GALNT13: variants seen among roughly 807,000 people sequenced by gnomAD.
GALNT13 encodes the protein UDP-GalNAc:polypeptide N-acetylgalactosaminyltransferase 13.
In GALNT13, 28 loss-of-function variants were observed where a neutral mutation model predicts 64.2. The observed-to-expected ratio is 0.44, with a 90% CI of 0.32 to 0.60. The LOEUF (loss-of-function observed/expected upper bound fraction) is 0.60. Ranked by LOEUF, GALNT13 falls within the 20% of genes least tolerant of loss-of-function variation. The pLI is 0.05. For missense variants in GALNT13, 577 were observed against 669.8 expected, an observed-to-expected ratio of 0.86 and a Z score of 1.53; for synonymous variants, 214 against 224.6, an observed-to-expected ratio of 0.95 and a Z score of 0.42.
chr2:153,683,530 T>C, the GALNT13 span, among the ~76,000 whole-genome samples: 2 of 151,902 alleles, frequency 1.3e-5, no homozygotes, highest in East Asian at 3.9e-4. Context: ...TTAATTGTAC[T>C]ACATGATGTC....
At chr2:153,418,495 A>G in the GALNT13 span, among the ~76,000 whole-genome samples, 1 of 152,210 alleles carries the variant, frequency 6.6e-6, no homozygotes, top group Admixed American at 6.5e-5. Context: ...GTCATGTCAC[A>G]GGGGCCAAAT....
At chr2:153,102,019 T>G in the GALNT13 span, among the ~76,000 whole-genome samples, 1 of 152,218 alleles carries the variant, frequency 6.6e-6, no homozygotes, top group African/African-American at 2.4e-5. Flanking sequence ...TATCATTTAT[T>G]TTTATGCATT....
chr2:154,411,317 T>TAC (rs59114913), intron 11 of GALNT13, among the ~76,000 whole-genome samples: 12,642 of 147,356 alleles, frequency 0.086, 749 homozygotes, highest in African/African-American at 0.18. Flanking sequence ...TAATTGCACA[T>TAC]ACACACACAC....
the GALNT13 span, among the ~76,000 whole-genome samples, chr2:153,261,433 C>T: frequency 9.9e-5 from 15 of 152,142 alleles, no homozygotes; most frequent in Non-Finnish European, 2.1e-4. Flanking sequence ...CCCTGTTGCT[C>T]TTGCAGACTT....
chr2:153,999,787 G>T (rs1209044356), intron 3 of GALNT13, among the ~76,000 whole-genome samples: 2 of 151,950 alleles, frequency 1.3e-5, no homozygotes, highest in African/African-American at 4.8e-5. Flanking sequence ...TTTTGTTGTT[G>T]TGTTCTTGTC....
chr2:154,450,709 A>C lies in GALNT13; in HGVS notation c.*158A>C, dbSNP rs144799766. ...AATTCGTTTCTAGAAATGTTTGCTT[A>C]TTTCCCTACTAAAATTTGTATCTGA... On this transcript the variant is annotated 3_prime_UTR_variant, in exon 13 of 13. Coordinates refer to ENST00000392825, the MANE Select transcript of GALNT13 (RefSeq NM_052917.4). 694 of 653,078 alleles carry C rather than the reference A, an allele frequency of 1.1e-3. 5 individuals are homozygous for C. The African/African-American group carries it at 0.012, about 11-fold the overall frequency. The allele number at this position is 653,078 out of a possible 1,614,324, so 40.5% of individuals were successfully genotyped here. A position where few individuals can be genotyped will look rare whatever the true frequency, so the allele number is the denominator to read the frequency against.
the GALNT13 span, among the ~76,000 whole-genome samples, chr2:153,285,828 A>T: frequency 0.016 from 2,460 of 152,254 alleles, 36 homozygotes; most frequent in Middle Eastern, 0.032. Context: ...CAGAAAAGGT[A>T]AAATTATCAT....
At chr2:153,761,400 C>G in the GALNT13 span, 1 of 152,210 alleles carries the variant, frequency 6.6e-6, no homozygotes, top group African/African-American at 2.4e-5. Context: ...CCTTCATTCA[C>G]TCACTACTGC....
chr2:153,908,981 G>C (rs1688763679), intron 2 of GALNT13, among the ~76,000 whole-genome samples: 1 of 151,942 alleles, frequency 6.6e-6, no homozygotes, highest in Non-Finnish European at 1.5e-5. Flanking sequence ...AATTGCTTTG[G>C]GCAGTATGGC....
chr2:153,340,590 G>A, the GALNT13 span, among the ~76,000 whole-genome samples: 7 of 151,274 alleles, frequency 4.6e-5, no homozygotes, highest in Non-Finnish European at 1.0e-4. Context: ...AGGAGGCAGA[G>A]ATTGCAGTGA....
At chr2:153,139,059 T>G in the GALNT13 span, among the ~76,000 whole-genome samples, 1 of 152,094 alleles carries the variant, frequency 6.6e-6, no homozygotes, top group African/African-American at 2.4e-5. Context: ...GTCACAAATT[T>G]AAATTCAACA....
the GALNT13 span, among the ~76,000 whole-genome samples, chr2:153,237,613 C>T: frequency 6.6e-6 from 1 of 151,976 alleles, no homozygotes; most frequent in Admixed American, 6.6e-5. Context: ...TTTCACTTAA[C>T]ATAATGACCT....
the GALNT13 span, among the ~76,000 whole-genome samples, chr2:153,581,495 A>T: frequency 2.0e-5 from 3 of 152,048 alleles, no homozygotes; most frequent in African/African-American, 7.2e-5. Context: ...ATATTTTTTT[A>T]AATTGGCATT....
chr2:153,596,333 A>G, the GALNT13 span, among the ~76,000 whole-genome samples: 1 of 152,146 alleles, frequency 6.6e-6, no homozygotes, highest in Non-Finnish European at 1.5e-5. Flanking sequence ...GTGGAGACAA[A>G]AACTCCACTT....
intron 3 of GALNT13, among the ~76,000 whole-genome samples, chr2:154,061,578 T>G (rs1007718545): frequency 6.6e-6 from 1 of 152,212 alleles, no homozygotes; most frequent in African/African-American, 2.4e-5. Context: ...CTTGGTTGGA[T>G]GAAGCTCCCA....
At chr2:154,275,025 T>G (rs1459675706) in intron 8 of GALNT13, among the ~76,000 whole-genome samples, 3 of 152,034 alleles carry the variant, frequency 2.0e-5, no homozygotes, top group Non-Finnish European at 2.9e-5. Flanking sequence ...GTGGCAGCAT[T>G]TTTTGCCTGC....
chr2:153,229,720 C>A, the GALNT13 span, among the ~76,000 whole-genome samples: 1 of 152,180 alleles, frequency 6.6e-6, no homozygotes, highest in Non-Finnish European at 1.5e-5. Context: ...ATAGTGCCTC[C>A]TAATTTCTAT....
intron 4 of GALNT13, among the ~76,000 whole-genome samples, chr2:154,193,371 GTGT>G (rs1230201332): frequency 5.3e-5 from 8 of 152,318 alleles, no homozygotes; most frequent in African/African-American, 1.7e-4. Context: ...CATCCAAGTT[GTGT>G]TGTTCAGTTG....
chr2:153,589,372 T>C, the GALNT13 span, among the ~76,000 whole-genome samples: 7 of 152,328 alleles, frequency 4.6e-5, no homozygotes, highest in Middle Eastern at 3.4e-3. Context: ...GTCAAAGCCA[T>C]GTAACAAGTC....
Sources: gnomAD v4.1 joint callset for allele counts (sites outside exome capture counted in the v4.1 genomes callset) on GRCh38, gnomAD v4.1.1 for gene constraint, MANE v1.5 for transcripts, NCBI Gene and HGNC (gene_info 2026-07-23, HGNC 2026-07-21) for gene names.